The following ANO2 variants were observed in gnomAD, a reference collection of about 807,000 sequenced individuals.
The protein encoded by ANO2 is anoctamin-2.
A neutral mutation model predicts 124.2 loss-of-function variants in ANO2; 101 were observed. The observed-to-expected ratio is 0.81, with a 90% CI of 0.69 to 0.96. The LOEUF is 0.96. Ranked by LOEUF, ANO2 falls within the 40% of genes least tolerant of loss-of-function variation. The probability of loss-of-function intolerance (pLI) is 0.00; values close to 1 mark genes in which losing one functional copy is unlikely to be tolerated. For synonymous variants in ANO2, 486 were observed against 482.5 expected, an observed-to-expected ratio of 1.01 and a Z score of -0.09; for missense variants, 1,293 against 1,274.5, an observed-to-expected ratio of 1.01 and a Z score of -0.22.
chr12:5,850,850 C>T (rs1316406472), intron 4 of ANO2, among the ~76,000 whole-genome samples: 1 of 152,178 alleles, frequency 6.6e-6, no homozygotes, highest in Non-Finnish European at 1.5e-5. Flanking sequence ...TGAGAATACA[C>T]ATTAAAATAT....
In ANO2 at chr12:5,636,021, C is replaced by G. The variant is rs1290117622; in HGVS notation, c.1621-674G>C. On this transcript the variant is annotated intron_variant, in intron 15 of 24. Coordinates refer to ENST00000682330, the MANE Select transcript of ANO2 (RefSeq NM_001364791.2). The surrounding 1 kb of genome is among the most constrained non-coding windows in gnomAD (Gnocchi z 4.6). ...GGAGTGAGATTTTAGGAATCTCAGTCCTCAAGATGAACAAAATATCACTGT... is the reference window on the plus strand; with the variant it reads ...GGAGTGAGATTTTAGGAATCTCAGTGCTCAAGATGAACAAAATATCACTGT... 6.6e-6 allele frequency among the ~76,000 whole-genome samples: 1 copy of G among 152,076 alleles called. No individual in the cohort carries two copies. Among genetic ancestry groups the G allele is most frequent in the Non-Finnish European group, 1.5e-5 (1 of 68,020 alleles).
Position 5,612,545 on chromosome 12 carries a change from T to C in ANO2, c.2087+111A>G, listed in dbSNP as rs557214545. 84 of 857,308 alleles carry C rather than the reference T, an allele frequency of 9.8e-5. 1 individual carries two copies. In the South Asian group the frequency reaches 1.2e-3, roughly 13 times the overall value. 53.1% of individuals were successfully genotyped at this position (857,308 alleles called of 1,614,324 possible). A position where few individuals can be genotyped will look rare whatever the true frequency, so the allele number is the denominator to read the frequency against. Reference sequence around the variant, plus strand: ...ATTGGCAAATTGACAGAGAATTAAATCACCAAGCTGTCTAAGAAGAGGAAA... The same window carrying C: ...ATTGGCAAATTGACAGAGAATTAAACCACCAAGCTGTCTAAGAAGAGGAAA... On this transcript the variant is annotated intron_variant, in intron 19 of 24. Transcript: ENST00000682330.
At chr12:5,644,924 G>T (rs1025965178) in intron 15 of ANO2, among the ~76,000 whole-genome samples, 2 of 152,118 alleles carry the variant, frequency 1.3e-5, no homozygotes, top group Admixed American at 1.3e-4. Flanking sequence ...AATATCAGTT[G>T]TAAGTCCAGG....
intron 10 of ANO2, among the ~76,000 whole-genome samples, chr12:5,764,661 A>G (rs913170501): frequency 2.0e-5 from 3 of 152,194 alleles, no homozygotes; most frequent in African/African-American, 4.8e-5. Context: ...CCCATCCATT[A>G]CCAACACCAC....
intron 14 of ANO2, among the ~76,000 whole-genome samples, chr12:5,664,176 G>A (rs1416799730): frequency 6.6e-6 from 1 of 152,198 alleles, no homozygotes; most frequent in South Asian, 2.1e-4. Flanking sequence ...CTGGGTATGT[G>A]CTAGAACAAT....
chr12:5,917,604 G>A (rs1433269797), intron 3 of ANO2, among the ~76,000 whole-genome samples: 4 of 119,676 alleles, frequency 3.3e-5, no homozygotes, highest in African/African-American at 1.3e-4. Flanking sequence ...GTCTTGCTCT[G>A]TCACCCAGGC....
chr12:5,748,229 G>T (rs17785961), intron 11 of ANO2, among the ~76,000 whole-genome samples: 1 of 152,130 alleles, frequency 6.6e-6, no homozygotes, highest in Non-Finnish European at 1.5e-5. Flanking sequence ...TACCATGTGG[G>T]GACCCGGGGC....
chr12:5,811,878 A>G (rs1056191064), intron 7 of ANO2, among the ~76,000 whole-genome samples: 1 of 152,190 alleles, frequency 6.6e-6, no homozygotes, highest in African/African-American at 2.4e-5. Context: ...CCAGGGGTAA[A>G]TAAGAGAGAA....
At chr12:5,850,969 T>C (rs1954873137) in intron 4 of ANO2, among the ~76,000 whole-genome samples, 1 of 152,158 alleles carries the variant, frequency 6.6e-6, no homozygotes, top group Non-Finnish European at 1.5e-5. Flanking sequence ...TATGCCCATA[T>C]CATAGATGAG....
At chr12:5,838,918 A>T (rs115326005) in intron 4 of ANO2, among the ~76,000 whole-genome samples, 1 of 152,250 alleles carries the variant, frequency 6.6e-6, no homozygotes, top group Non-Finnish European at 1.5e-5. Flanking sequence ...TGAGCAAGTC[A>T]TACCCTTCTC....
rs1555111088 is a variant in ANO2 at position 5,635,599 on chromosome 12, T to TCACACACACATACA, written c.1621-253_1621-252insTGTATGTGTGTGTG. 6.8e-6 allele frequency among the ~76,000 whole-genome samples: 1 copy of TCACACACACATACA among 146,794 alleles called. No homozygotes were observed. The highest frequency in any genetic ancestry group is 2.5e-5 in the African/African-American group (1 of 39,450). Reference sequence around the variant, plus strand: ...TTTTTGTCAGATTCCAAATGATTTATCACACACACACACACACACACACAC... The same window carrying TCACACACACATACA: ...TTTTTGTCAGATTCCAAATGATTTATCACACACACATACACACACACACACACACACACACACAC... On this transcript the variant is annotated intron_variant, in intron 15 of 24. Transcript: ENST00000682330. The surrounding 1 kb of genome is among the most constrained non-coding windows in gnomAD (Gnocchi z 5.2).
rs576899934 is a variant in ANO2, at chr12:5,668,929, T to C, written c.1546-21128A>G. ...TGTGCCTTTTTTTGTACCAGCACCA[T>C]GGCGTTTTGGTTACTGTAGCCTTGT... On this transcript the variant is annotated intron_variant, in intron 14 of 24. Coordinates refer to ENST00000682330, the MANE Select transcript of ANO2 (RefSeq NM_001364791.2). Among the ~76,000 whole-genome samples the C allele has an allele frequency of 2.4e-3, 373 of 152,322 alleles. 3 individuals carry two copies. The highest frequency in any genetic ancestry group is 7.9e-3 in the African/African-American group (329 of 41,580).
intron 13 of ANO2, among the ~76,000 whole-genome samples, chr12:5,735,556 G>A (rs915541645): frequency 1.3e-5 from 2 of 152,166 alleles, no homozygotes; most frequent in South Asian, 4.1e-4. Flanking sequence ...ACCAGCACAC[G>A]AATGAGAAAC....
chr12:5,568,913 C>T (rs1406381305), intron 23 of ANO2, among the ~76,000 whole-genome samples: 7 of 152,242 alleles, frequency 4.6e-5, no homozygotes, highest in Non-Finnish European at 5.9e-5. Context: ...GTTCTGAAGA[C>T]GGAGGGTCAA....
intron 14 of ANO2, among the ~76,000 whole-genome samples, chr12:5,729,394 T>C (rs908511123): frequency 2.0e-5 from 3 of 152,186 alleles, no homozygotes; most frequent in Non-Finnish European, 4.4e-5. Flanking sequence ...CAAATGACCA[T>C]TAATGACCAC....
chr12:5,795,911 G>C (rs978781574), intron 10 of ANO2, among the ~76,000 whole-genome samples: 1 of 152,108 alleles, frequency 6.6e-6, no homozygotes, highest in Non-Finnish European at 1.5e-5. Context: ...TCCTTCTCCA[G>C]CTGTGAGGAC....
chr12:5,884,535 G>C (rs539562445), intron 3 of ANO2, among the ~76,000 whole-genome samples: 1 of 152,200 alleles, frequency 6.6e-6, no homozygotes, highest in Non-Finnish European at 1.5e-5. Flanking sequence ...CAGGACAGCC[G>C]GCACTTTCTG....
intron 14 of ANO2, among the ~76,000 whole-genome samples, chr12:5,673,998 C>G (rs1352802990): frequency 6.6e-6 from 1 of 152,148 alleles, no homozygotes; most frequent in African/African-American, 2.4e-5. Flanking sequence ...TTCTCTGAGA[C>G]CACCCTCCTC....
chr12:5,648,070 T>G (rs1297073725), intron 14 of ANO2, among the ~76,000 whole-genome samples: 1 of 152,190 alleles, frequency 6.6e-6, no homozygotes, highest in Admixed American at 6.5e-5. Context: ...CAACCACTTA[T>G]CAGCTGTGTG....
Sources: gnomAD v4.1 joint callset for allele counts (sites outside exome capture counted in the v4.1 genomes callset) on GRCh38, gnomAD v4.1.1 for gene constraint, Gnocchi (gnomAD v3.1) non-coding constraint, MANE v1.5 for transcripts, NCBI Gene and HGNC (gene_info 2026-07-23, HGNC 2026-07-21) for gene names.